Variants in SCARF2 observed in about 807,000 individuals in gnomAD.
SCARF2 encodes the protein scavenger receptor expressed by endothelial cells 2 protein.
A neutral mutation model predicts 73.4 loss-of-function variants in SCARF2; 39 were observed. The ratio of observed to expected loss-of-function variants is 0.53; its 90% CI spans 0.41 to 0.69. SCARF2 has a LOEUF of 0.69. SCARF2 is among the 30% of genes least tolerant of loss of function. SCARF2 has a pLI of 0.00. For missense variants in SCARF2, 1,148 were observed against 1,303.5 expected (o/e 0.88, Z 1.84); for synonymous variants, 605 against 590.0 (o/e 1.03, Z -0.37).
intron 10 of SCARF2, among the ~76,000 whole-genome samples, chr22:20,426,928 A>G (rs79733216): frequency 1.4e-5 from 2 of 139,610 alleles, no homozygotes; most frequent in Non-Finnish European, 3.1e-5. Context: ...CTCCGTCTCA[A>G]AAAAAAAAAA....
rs1364552402 is a variant in SCARF2, at chr22:20,426,228, G to C, written c.1748C>G (p.Pro583Arg). 5.2e-6 allele frequency: 8 copies of C among 1,534,164 alleles called. No individual in the cohort carries two copies. The South Asian group carries it at 9.6e-5, about 18-fold the overall frequency. ...GGTCAAGGGCACAGGGGACGGCGCC[G>C]GCGCCTCGGCAGGGACAGTGGGGAC... ...PEVPTVPAEA[P>R]APSPVPLTTP... The change falls in exon 11 of 11, where the codon CCG becomes CGG. Residue 583 changes from proline to arginine, a missense_variant. Around this residue, in one of 5 missense-constraint regions of SCARF2, gnomAD observed 437 missense variants for 433.6 expected, o/e 1.01. Coordinates refer to ENST00000622235, the MANE Select transcript of SCARF2 (RefSeq NM_182895.5).
chr22:20,428,172 G>T (rs1169917313), intron 9 of SCARF2, among the ~76,000 whole-genome samples: 3 of 152,092 alleles, frequency 2.0e-5, no homozygotes, highest in African/African-American at 7.2e-5. Context: ...TCTCTTGCTT[G>T]CTTGCTTTTT....
At chr22:20,427,925 G>A (rs954095310) in intron 9 of SCARF2, among the ~76,000 whole-genome samples, 9 of 152,220 alleles carry the variant, frequency 5.9e-5, no homozygotes, top group African/African-American at 9.6e-5. Flanking sequence ...TGCCTTGTGC[G>A]AATAAGGAAG....
chr22:20,426,136 T>C lies in SCARF2; in HGVS notation c.1840A>G (p.Ser614Gly). Residue 614 changes from serine (S) to glycine (G), a missense_variant, in exon 11 of 11, where the codon AGC becomes GGC. This residue lies in a region of SCARF2 where 437 missense variants were observed against 433.6 expected (regional missense o/e 1.01). Coordinates refer to ENST00000622235, the MANE Select transcript of SCARF2 (RefSeq NM_182895.5). ...ASSDSERSAS[S>G]VEGPGGALYA... ...AGAGCCCCTCCGGGCCCCTCCACGC[T>C]GGACGCCGACCGCTCGCTGTCGGAG... The C allele has an allele frequency of 6.8e-7, 1 of 1,468,290 alleles. No homozygotes were observed. The highest frequency in any genetic ancestry group is 2.5e-5 in the Admixed American group (1 of 40,738). 91.0% of individuals were successfully genotyped at this position (1,468,290 alleles called of 1,614,324 possible). A position where few individuals can be genotyped will look rare whatever the true frequency, so the allele number is the denominator to read the frequency against.
In SCARF2 at chr22:20,434,667, C is replaced by T. The variant is rs576943642; in HGVS notation, c.174-2679G>A. ...CTGCTCCCACGCTTGCCCTGTAAGT[C>T]GGCAAGACCCTCAGAAGCCAGGCCA... On this transcript the variant is annotated intron_variant, in intron 1 of 10. Coordinates refer to ENST00000622235, the MANE Select transcript of SCARF2 (RefSeq NM_182895.5). Among the ~76,000 whole-genome samples, 203 of 152,314 alleles carry T rather than the reference C, an allele frequency of 1.3e-3. 4 individuals are homozygous for T. The highest frequency in any genetic ancestry group is 2.2e-4 in the Non-Finnish European group (15 of 68,018).
intron 1 of SCARF2, among the ~76,000 whole-genome samples, chr22:20,435,407 T>A (rs952470775): frequency 7.2e-5 from 11 of 152,136 alleles, no homozygotes; most frequent in African/African-American, 2.2e-4. Context: ...GTGCGAAGTG[T>A]TTGCCACCTG....
intron 10 of SCARF2, 145 bp downstream of exon 10, chr22:20,427,253 T>C: frequency 1.0e-6 from 1 of 1,002,958 alleles, no homozygotes; most frequent in Non-Finnish European, 1.5e-6. Context: ...TGGCCTCAGC[T>C]CTGTGGGCAA....
chr22:20,433,194 G>A (rs914243715), intron 1 of SCARF2, among the ~76,000 whole-genome samples: 3 of 152,200 alleles, frequency 2.0e-5, no homozygotes, highest in Admixed American at 6.5e-5. Flanking sequence ...AGGGTTCGTA[G>A]GGGATGAGCT....
chr22:20,428,344 A>G (rs968554009), intron 9 of SCARF2, among the ~76,000 whole-genome samples: 4 of 150,924 alleles, frequency 2.7e-5, no homozygotes, highest in Non-Finnish European at 1.5e-5. Context: ...CTGGAGTGCA[A>G]TGGTGCGATC....
At position 20,425,371 on chromosome 22, in the gene SCARF2, C is replaced by T; in HGVS notation, c.*4G>A. On this transcript the variant is annotated 3_prime_UTR_variant, in exon 11 of 11. Coordinates refer to ENST00000622235, the MANE Select transcript of SCARF2 (RefSeq NM_182895.5). The surrounding 1 kb of genome is among the most constrained non-coding windows in gnomAD (Gnocchi z 4.6). ...GGAGCTGCGCGCGGACGAGCCACAG[C>T]CTGCTACAGGGTGGGTGCGCCCGCC... 1.4e-6 allele frequency: 2 copies of T among 1,414,468 alleles called. No individual in the cohort carries two copies. Among genetic ancestry groups the T allele is most frequent in the Middle Eastern group, 2.4e-4 (1 of 4,134 alleles). The allele number at this position is 1,414,468 out of a possible 1,614,324, so 87.6% of individuals were successfully genotyped here. A position where few individuals can be genotyped will look rare whatever the true frequency, so the allele number is the denominator to read the frequency against.
intron 1 of SCARF2, 33 bp downstream of exon 1, chr22:20,437,549 C>A (rs2052714442): frequency 6.4e-7 from 1 of 1,554,680 alleles, no homozygotes; most frequent in African/African-American, 1.4e-5. Context: ...GAGCGTCCCT[C>A]TCGCCCCCTC....
intron 10 of SCARF2, among the ~76,000 whole-genome samples, chr22:20,426,530 C>T (rs1302553504): frequency 6.6e-6 from 1 of 152,260 alleles, no homozygotes; most frequent in Non-Finnish European, 1.5e-5. Context: ...GAAGCCCAAC[C>T]TTGGCCTGGC....
At chr22:20,434,163 T>G (rs531201425) in intron 1 of SCARF2, among the ~76,000 whole-genome samples, 2 of 152,294 alleles carry the variant, frequency 1.3e-5, no homozygotes, top group East Asian at 3.9e-4. Context: ...CGTGCTGGCA[T>G]GTACCTATAA....
Position 20,429,601 on chromosome 22 carries a change from G to A in SCARF2, c.1359C>T (p.Leu453=), listed in dbSNP as rs776966864. 6 of 1,613,568 alleles carry A rather than the reference G, an allele frequency of 3.7e-6. No individual in the cohort carries two copies. Among genetic ancestry groups the A allele is most frequent in the South Asian group, 1.1e-5 (1 of 91,088 alleles). Residue 453 remains leucine (L), a synonymous_variant, in exon 8 of 11, where the codon CTC becomes CTT. Coordinates refer to ENST00000622235, the MANE Select transcript of SCARF2 (RefSeq NM_182895.5). This position sits in a 1 kb window ranked among gnomAD's most constrained non-coding sequence, Gnocchi z 5.2. The part of the protein sequence containing the change: ...VMGAGALLVL[L]VCLLLSLLGC... Reference sequence around the variant, plus strand: ...CGAGCAGCGAGAGCAGCAGGCAGACGAGCAGGACGAGCAGCGCGCCCGCGC... The same window carrying A: ...CGAGCAGCGAGAGCAGCAGGCAGACAAGCAGGACGAGCAGCGCGCCCGCGC...
chr22:20,429,893 C>A lies in SCARF2; in HGVS notation c.1203-60G>T. The A allele has an allele frequency of 6.6e-7, 1 of 1,512,352 alleles. No individual in the cohort carries two copies. Among genetic ancestry groups the A allele is most frequent in the Non-Finnish European group, 9.0e-7 (1 of 1,110,470 alleles). The allele number at this position is 1,512,352 out of a possible 1,614,324, so 93.7% of individuals were successfully genotyped here. A position where few individuals can be genotyped will look rare whatever the true frequency, so the allele number is the denominator to read the frequency against. ...GCCCCCCTAGGATGCCCCCTACCCT[C>A]ACCCCTCACCCGCGGCCAGGGCCCA... On this transcript the variant is annotated intron_variant, in intron 6 of 10. Coordinates refer to ENST00000622235, the MANE Select transcript of SCARF2 (RefSeq NM_182895.5). This position sits in a 1 kb window ranked among gnomAD's most constrained non-coding sequence, Gnocchi z 5.2.
chr22:20,434,324 G>C (rs955111877), intron 1 of SCARF2, among the ~76,000 whole-genome samples: 2 of 152,186 alleles, frequency 1.3e-5, no homozygotes, highest in Admixed American at 1.3e-4. Flanking sequence ...GAGAGAGAGA[G>C]AGACAGAGAA....
rs774347409 is a variant in SCARF2, at chr22:20,429,812, G to A, written c.1224C>T (p.Pro408=). The A allele has an allele frequency of 5.0e-6, 8 of 1,613,006 alleles. No individual in the cohort carries two copies. The change falls in exon 7 of 11, where the codon CCC becomes CCT. Residue 408 remains proline (P), a synonymous_variant. Transcript: ENST00000622235. This position sits in a 1 kb window ranked among gnomAD's most constrained non-coding sequence, Gnocchi z 5.2. ...HGPHCNVTCP[P]GLHGADCAQA... is the part of the protein sequence containing the mutation. ...GAGCACAGTCCGCGCCGTGGAGTCCGGGCGGGCACGTCACGTTACAGCTGC... is the reference window on the plus strand; with the variant it reads ...GAGCACAGTCCGCGCCGTGGAGTCCAGGCGGGCACGTCACGTTACAGCTGC...
Position 20,437,755 on chromosome 22 carries a change from G to A in SCARF2, c.-1C>T. On this transcript the variant is annotated 5_prime_UTR_variant, in exon 1 of 11. Coordinates refer to ENST00000622235, the MANE Select transcript of SCARF2 (RefSeq NM_182895.5). Reference sequence around the variant, plus strand: ...CCCCCCGGGGCCCTGCGCCCTCCATGAGGCGCGGGGCAGGCGCGGGGCGGG... The same window carrying A: ...CCCCCCGGGGCCCTGCGCCCTCCATAAGGCGCGGGGCAGGCGCGGGGCGGG... 9.5e-7 allele frequency: 1 copy of A among 1,057,970 alleles called. No homozygotes were observed. Among genetic ancestry groups the A allele is most frequent in the Non-Finnish European group, 1.1e-6 (1 of 879,856 alleles). The allele number at this position is 1,057,970 out of a possible 1,614,324, so 65.5% of individuals were successfully genotyped here.
chr22:20,429,364 AG>A lies in SCARF2; in HGVS notation c.1425-25del. On this transcript the variant is annotated intron_variant, in intron 8 of 10. Coordinates refer to ENST00000622235, the MANE Select transcript of SCARF2 (RefSeq NM_182895.5). This position sits in a 1 kb window ranked among gnomAD's most constrained non-coding sequence, Gnocchi z 5.2. ...CCCTGCGGGGGCGGGGTCTGAGCGG[AG>A]GGGCGGGGCCGGGGCGGGGCCCAGG... 6.5e-6 allele frequency: 2 copies of A among 309,192 alleles called. No individual in the cohort carries two copies. The highest frequency in any genetic ancestry group is 1.0e-4 in the East Asian group (1 of 9,550). 19.2% of individuals were successfully genotyped at this position (309,192 alleles called of 1,614,324 possible). A position where few individuals can be genotyped will look rare whatever the true frequency, so the allele number is the denominator to read the frequency against.
Sources: allele counts gnomAD v4.1 joint callset (sites outside exome capture counted in the v4.1 genomes callset), GRCh38; gene constraint gnomAD v4.1.1; regional missense constraint gnomAD v4.1.1; non-coding constraint Gnocchi (gnomAD v3.1); transcripts MANE v1.5; gene names NCBI Gene and HGNC (gene_info 2026-07-23, HGNC 2026-07-21).